Variants in MARCHF3 observed in about 807,000 individuals in gnomAD.
MARCHF3 encodes the protein membrane associated ring-CH-type finger 3.
In MARCHF3, 13 loss-of-function variants were observed where a neutral mutation model predicts 24.2. The observed-to-expected ratio is 0.54, with a 90% confidence interval of 0.35 to 0.85. The LOEUF (loss-of-function observed/expected upper bound fraction) is 0.85. MARCHF3 is among the 40% of genes least tolerant of loss of function. MARCHF3 has a pLI of 0.01. For synonymous variants in MARCHF3, 144 were observed against 137.3 expected, an observed-to-expected ratio of 1.05 and a Z score of -0.34; for missense variants, 276 against 325.0, an observed-to-expected ratio of 0.85 and a Z score of 1.16.
rs145608475 is a variant in MARCHF3 at position 126,916,150 on chromosome 5, G to A, written c.189-1016C>T. On this transcript the variant is annotated intron_variant, in intron 2 of 4. Transcript: ENST00000308660. ...TTGGCCCTCATCAGGTAAGTCAGTG[G>A]CCAATGGAAAGAGGATGGCCTCACT... Among the ~76,000 whole-genome samples the A allele has an allele frequency of 1.9e-3, 289 of 152,324 alleles. 1 individual carries two copies. The highest frequency in any genetic ancestry group is 6.8e-3 in the African/African-American group (282 of 41,564).
At chr5:126,975,105 T>G (rs1751149722) in intron 1 of MARCHF3, among the ~76,000 whole-genome samples, 1 of 152,098 alleles carries the variant, frequency 6.6e-6, no homozygotes, top group Non-Finnish European at 1.5e-5. Flanking sequence ...TATAGGCGCA[T>G]GCCACCACAC....
intron 1 of MARCHF3, among the ~76,000 whole-genome samples, chr5:126,971,645 G>A (rs1751018124): frequency 6.6e-6 from 1 of 152,038 alleles, no homozygotes; most frequent in African/African-American, 2.4e-5. Flanking sequence ...CTCCCAGGAG[G>A]AAGGAAGCAT....
At chr5:127,016,476 A>C (rs1220768237) in intron 1 of MARCHF3, among the ~76,000 whole-genome samples, 3 of 152,252 alleles carry the variant, frequency 2.0e-5, no homozygotes, top group African/African-American at 7.2e-5. Context: ...TCTCAAAAGA[A>C]GACATTTATG....
chr5:127,022,806 G>C (rs912449094), intron 1 of MARCHF3, among the ~76,000 whole-genome samples: 1 of 152,154 alleles, frequency 6.6e-6, no homozygotes, highest in Non-Finnish European at 1.5e-5. Context: ...GTACCTCCTA[G>C]GCTTAACCAT....
chr5:126,918,627 T>C (rs1007203651), intron 1 of MARCHF3, among the ~76,000 whole-genome samples: 2 of 152,188 alleles, frequency 1.3e-5, no homozygotes, highest in African/African-American at 4.8e-5. Context: ...TTCAGAACTA[T>C]TTTTTCTGGT....
intron 1 of MARCHF3, among the ~76,000 whole-genome samples, chr5:127,006,427 T>C (rs1752315543): frequency 6.6e-6 from 1 of 152,178 alleles, no homozygotes; most frequent in Non-Finnish European, 1.5e-5. Context: ...TTTTAGGCCA[T>C]AAATTCACAC....
chr5:126,911,107 C>T (rs1754511856), intron 3 of MARCHF3, among the ~76,000 whole-genome samples: 1 of 152,178 alleles, frequency 6.6e-6, no homozygotes, highest in Admixed American at 6.5e-5. Flanking sequence ...TAATCTCAAA[C>T]CCTGTCTCCT....
intron 1 of MARCHF3, among the ~76,000 whole-genome samples, chr5:126,951,458 G>A (rs573243846): frequency 1.3e-5 from 2 of 152,276 alleles, no homozygotes; most frequent in Admixed American, 6.5e-5. Context: ...GCCGAGTGGA[G>A]ACTTCTCAAA....
intron 1 of MARCHF3, among the ~76,000 whole-genome samples, chr5:126,973,564 A>C (rs913181671): frequency 5.9e-5 from 9 of 152,220 alleles, no homozygotes; most frequent in African/African-American, 2.2e-4. Flanking sequence ...CAATTGCAGA[A>C]GTGCAGAGGG....
At chr5:126,908,386 G>A (rs928326893) in intron 3 of MARCHF3, among the ~76,000 whole-genome samples, 21 of 152,184 alleles carry the variant, frequency 1.4e-4, no homozygotes, top group East Asian at 3.9e-4. Flanking sequence ...AGATTGGGGA[G>A]GTTCTCCTGG....
intron 1 of MARCHF3, among the ~76,000 whole-genome samples, chr5:126,986,353 G>A (rs1751566323): frequency 6.6e-6 from 1 of 152,124 alleles, no homozygotes. Context: ...ATTAACTTAT[G>A]CCTTTATTAT....
At chr5:126,975,614 A>C (rs73786250) in intron 1 of MARCHF3, among the ~76,000 whole-genome samples, 7,850 of 152,232 alleles carry the variant, frequency 0.052, 376 homozygotes, top group South Asian at 0.13. Flanking sequence ...CCCTGGGAAG[A>C]TCTTCACTGC....
intron 1 of MARCHF3, among the ~76,000 whole-genome samples, chr5:126,966,592 G>C (rs1484844869): frequency 6.6e-6 from 1 of 151,912 alleles, no homozygotes; most frequent in African/African-American, 2.4e-5. Flanking sequence ...CCATCTTTTG[G>C]GTGAATCAGA....
intron 1 of MARCHF3, among the ~76,000 whole-genome samples, chr5:126,930,482 T>C (rs1749445376): frequency 6.6e-6 from 1 of 152,224 alleles, no homozygotes; most frequent in Non-Finnish European, 1.5e-5. Context: ...CCCAAGGCTG[T>C]GGAAGGGGGT....
intron 3 of MARCHF3, among the ~76,000 whole-genome samples, chr5:126,911,961 C>T (rs1288279574): frequency 6.6e-6 from 1 of 152,170 alleles, no homozygotes; most frequent in African/African-American, 2.4e-5. Context: ...CTTTGCTCAC[C>T]CTCTTCCACA....
At chr5:126,986,437 T>C (rs146839549) in intron 1 of MARCHF3, among the ~76,000 whole-genome samples, 2 of 152,384 alleles carry the variant, frequency 1.3e-5, no homozygotes, top group East Asian at 1.9e-4. Flanking sequence ...TTGCTCAAGG[T>C]AATGTGAATA....
chr5:126,876,393 A>G lies in MARCHF3; in HGVS notation c.603+1792T>C, dbSNP rs564778875. ...ATTATTCTCCAAAGTACTTTCCCAT[A>G]AACACTTTGACTTAAATCTCATAAC... On this transcript the variant is annotated intron_variant, in intron 4 of 4. Transcript: ENST00000308660. Among the ~76,000 whole-genome samples, 4 of 152,338 alleles carry G rather than the reference A, an allele frequency of 2.6e-5. No homozygotes were observed. In the South Asian group the frequency reaches 6.2e-4, roughly 24 times the overall value.
rs539184116 is a variant in MARCHF3 at position 126,915,996 on chromosome 5, T to C, written c.189-862A>G. On this transcript the variant is annotated intron_variant, in intron 2 of 4. Coordinates refer to ENST00000308660, the MANE Select transcript of MARCHF3 (RefSeq NM_178450.5). ...CAAAAATGGTGCCTTCTTCATATGA[T>C]GACAGTGAGCATGTGAAAAGATAGC... Among the ~76,000 whole-genome samples, 7 of 152,320 alleles carry C rather than the reference T, an allele frequency of 4.6e-5. No homozygotes were observed. The East Asian group carries it at 1.2e-3, about 25-fold the overall frequency.
At chr5:127,018,499 G>C (rs1022394396) in intron 1 of MARCHF3, among the ~76,000 whole-genome samples, 2 of 152,158 alleles carry the variant, frequency 1.3e-5, no homozygotes, top group African/African-American at 2.4e-5. Context: ...AGATGAGATG[G>C]GGTAGTCCTG....
Sources: allele counts gnomAD v4.1 joint callset (sites outside exome capture counted in the v4.1 genomes callset), GRCh38; gene constraint gnomAD v4.1.1; transcripts MANE v1.5; gene names NCBI Gene and HGNC (gene_info 2026-07-23, HGNC 2026-07-21).